The following KIF1A variants were observed in gnomAD, a reference collection of about 807,000 sequenced individuals.
KIF1A encodes the protein kinesin family member 1A.
In KIF1A, 46 loss-of-function variants were observed where a neutral mutation model predicts 227.3. The observed-to-expected ratio is 0.20, with a 90% CI of 0.16 to 0.26. The LOEUF is 0.26. Among genes scored for constraint, KIF1A ranks in the 10% least tolerant of loss-of-function variants. KIF1A has a pLI of 1.00. For synonymous variants in KIF1A, 1,022 were observed against 1,012.8 expected (o/e 1.01, Z -0.17); for missense variants, 1,683 against 2,485.9 (o/e 0.68, Z 6.87).
Position 240,723,547 on chromosome 2 carries a change from G to T in KIF1A, c.4330C>A (p.Arg1444=). 1.3e-6 allele frequency: 2 copies of T among 1,537,312 alleles called. No individual in the cohort carries two copies. The highest frequency in any genetic ancestry group is 1.9e-5 in the Admixed American group (1 of 51,326). ...GATGTGTCCAGGACTCGTCGGCGCC[G>T]GCGCTGCATCCCTGCATGGGGCACG... The part of the protein sequence containing the change: ...ADAGSPGMQR[R]RRRVLDTSVA... Residue 1444 remains arginine, a synonymous_variant, in exon 42 of 49, where the codon CGG becomes AGG. Transcript: ENST00000498729.
intron 1 of KIF1A, 58 bp from the exon 2 acceptor site, chr2:240,797,870 T>C: frequency 1.5e-6 from 1 of 649,736 alleles, no homozygotes; most frequent in South Asian, 1.9e-5. Flanking sequence ...GGACAGGCAC[T>C]CCGGCTGCAG....
rs546683571 is a variant in KIF1A at position 240,782,485 on chromosome 2, A to G, written c.882+105T>C. On this transcript the variant is annotated intron_variant, in intron 10 of 48. Transcript: ENST00000498729. Reference sequence around the variant, plus strand: ...TCCACCCCCACGTCCCCCATCTCCCAGCGCACTCACTGCCCGCCCCGCCCC... The same window carrying G: ...TCCACCCCCACGTCCCCCATCTCCCGGCGCACTCACTGCCCGCCCCGCCCC... 333 of 1,235,912 alleles carry G rather than the reference A, an allele frequency of 2.7e-4. No homozygotes were observed. The African/African-American group carries it at 4.6e-3, about 17-fold the overall frequency. The allele number at this position is 1,235,912 out of a possible 1,614,324, so 76.6% of individuals were successfully genotyped here.
rs761293619 is a variant in KIF1A, at chr2:240,743,905, G to A, written c.3584+37C>T. 10 of 1,351,644 alleles carry A rather than the reference G, an allele frequency of 7.4e-6. No homozygotes were observed. The East Asian group carries it at 1.4e-4, about 19-fold the overall frequency. The allele number at this position is 1,351,644 out of a possible 1,614,324, so 83.7% of individuals were successfully genotyped here. On this transcript the variant is annotated intron_variant, in intron 33 of 48. Coordinates refer to ENST00000498729, the MANE Select transcript of KIF1A (RefSeq NM_001244008.2). ...AAAAGATCTGGGCAGGGGCTTTGAG[G>A]ACAGCAGCCCCGAACCCCCCGACCC...
At chr2:240,727,235 G>A (rs2046124751) in intron 38 of KIF1A, among the ~76,000 whole-genome samples, 3 of 152,194 alleles carry the variant, frequency 2.0e-5, no homozygotes, top group Non-Finnish European at 4.4e-5. Flanking sequence ...GAGGCGGCAG[G>A]GAATGAGAAC....
At chr2:240,780,888 A>ACACACACACACACACAGCTC (rs2053682955) in intron 10 of KIF1A, among the ~76,000 whole-genome samples, 1 of 117,190 alleles carries the variant, frequency 8.5e-6, no homozygotes, top group African/African-American at 4.4e-5. Context: ...ACAGCTCCAC[A>ACACACACACACACACAGCTC]CACACACACA....
chr2:240,805,785 T>C (rs1171205700), intron 1 of KIF1A, among the ~76,000 whole-genome samples: 2 of 152,156 alleles, frequency 1.3e-5, no homozygotes, highest in African/African-American at 4.8e-5. Flanking sequence ...ATCATGTAAT[T>C]TGAACACAAT....
chr2:240,717,256 G>C lies in KIF1A; in HGVS notation c.*108C>G. On this transcript the variant is annotated 3_prime_UTR_variant, in exon 49 of 49. Transcript: ENST00000498729. ...TGGGCGTCCCCTGGGGGGTCGACCC[G>C]GTCGTGGGCTGTCTGGCAGGAGAGG... 1.8e-6 allele frequency: 2 copies of C among 1,118,650 alleles called. No homozygotes were observed. The highest frequency in any genetic ancestry group is 2.6e-6 in the Non-Finnish European group (2 of 757,194). The allele number at this position is 1,118,650 out of a possible 1,614,324, so 69.3% of individuals were successfully genotyped here. A position where few individuals can be genotyped will look rare whatever the true frequency, so the allele number is the denominator to read the frequency against.
chr2:240,741,343 G>T lies in KIF1A; in HGVS notation c.3675C>A (p.Pro1225=). 1 of 1,590,630 alleles carries T rather than the reference G, an allele frequency of 6.3e-7. No individual in the cohort carries two copies. Among genetic ancestry groups the T allele is most frequent in the South Asian group, 1.1e-5 (1 of 88,142 alleles). Residue 1225 remains proline (P), a synonymous_variant, in exon 35 of 49, where the codon CCC becomes CCA. Transcript: ENST00000498729. ...ACTTGCAGTGGCAGGGTCCCGGACAGGGCCGCGTCAGTGTGCTGAGCTTGG... is the reference window on the plus strand; with the variant it reads ...ACTTGCAGTGGCAGGGTCCCGGACATGGCCGCGTCAGTGTGCTGAGCTTGG... The part of the protein sequence containing the change: ...PATKLSTLTR[P]CPGPCHCKYD...
At chr2:240,812,225 A>G (rs1046173045) in intron 1 of KIF1A, among the ~76,000 whole-genome samples, 13 of 152,194 alleles carry the variant, frequency 8.5e-5, no homozygotes, top group African/African-American at 3.1e-4. Flanking sequence ...GGGTGGGGGC[A>G]TCAGCAGAAA....
intron 27 of KIF1A, among the ~76,000 whole-genome samples, chr2:240,751,688 C>T (rs1242188564): frequency 1.3e-5 from 2 of 152,124 alleles, no homozygotes; most frequent in Non-Finnish European, 2.9e-5. Context: ...TCAGACACAT[C>T]CCCCCATGCC....
At chr2:240,784,650 G>A (rs554182290) in intron 7 of KIF1A, among the ~76,000 whole-genome samples, 16 of 152,292 alleles carry the variant, frequency 1.1e-4, no homozygotes, top group African/African-American at 3.9e-4. Context: ...GGACAGCTGG[G>A]GCATGAGGGC....
rs1229202517 is a variant in KIF1A at position 240,722,612 on chromosome 2, C to T, written c.4509G>A (p.Glu1503=). 4.5e-6 allele frequency: 7 copies of T among 1,563,328 alleles called. No homozygotes were observed. Among genetic ancestry groups the T allele is most frequent in the Non-Finnish European group, 6.1e-6 (7 of 1,153,384 alleles). Residue 1503 remains glutamate (E), a synonymous_variant, in exon 43 of 49, where the codon GAG becomes GAA. Coordinates refer to ENST00000498729, the MANE Select transcript of KIF1A (RefSeq NM_001244008.2). The stretch of plus-strand genomic sequence containing the variant: ...CCTCCGGGACAGGCCGCTGGGCGGT[C>T]TCCAGCTTCTCCCGCAGGAGCAGGT... ...RHYLLLREKL[E]TAQRPVPEAL...
chr2:240,745,682 G>A (rs2048511448), intron 31 of KIF1A, 56 bp downstream of exon 31: 4 of 1,577,656 alleles, frequency 2.5e-6, no homozygotes, highest in South Asian at 2.3e-5. Context: ...AGGCACGGGA[G>A]CCTTGGGCAC....
chr2:240,731,778 C>T (rs1037061272), intron 38 of KIF1A, among the ~76,000 whole-genome samples: 6 of 152,156 alleles, frequency 3.9e-5, no homozygotes, highest in African/African-American at 1.4e-4. Flanking sequence ...TGTCGCTGGA[C>T]TCTGGCTCCA....
chr2:240,734,951 C>G (rs1307577080), intron 38 of KIF1A, among the ~76,000 whole-genome samples: 2 of 152,142 alleles, frequency 1.3e-5, no homozygotes, highest in Admixed American at 6.5e-5. Context: ...AGCCAGAAGC[C>G]GGGGATCCTG....
At chr2:240,782,399 C>CGTCCCCGCA (rs1268313194) in intron 10 of KIF1A, among the ~76,000 whole-genome samples, 191 bp downstream of exon 10, 1 of 152,198 alleles carries the variant, frequency 6.6e-6, no homozygotes, top group African/African-American at 2.4e-5. Flanking sequence ...GGACGCCCTC[C>CGTCCCCGCA]GTCCCCGCAG....
chr2:240,730,856 A>G (rs2046520081), intron 38 of KIF1A, among the ~76,000 whole-genome samples: 1 of 152,196 alleles, frequency 6.6e-6, no homozygotes, highest in Non-Finnish European at 1.5e-5. Flanking sequence ...CACAGGGCCC[A>G]GCCAACTGGA....
chr2:240,770,500 GA>G (rs1170218146), intron 15 of KIF1A, among the ~76,000 whole-genome samples: 2 of 152,160 alleles, frequency 1.3e-5, no homozygotes, highest in Non-Finnish European at 2.9e-5. Context: ...CAGTGGAGGG[GA>G]TGCTGCGGGG....
At chr2:240,762,991 GCAGGGA>G in intron 22 of KIF1A, 22 bp downstream of exon 22, 2 of 1,387,236 alleles carry the variant, frequency 1.4e-6, no homozygotes, top group Non-Finnish European at 1.9e-6. Flanking sequence ...TGGGGGCTGG[GCAGGGA>G]GGGCGGGGCC....
Sources: gnomAD v4.1 joint callset for allele counts (sites outside exome capture counted in the v4.1 genomes callset) on GRCh38, gnomAD v4.1.1 for gene constraint, MANE v1.5 for transcripts, NCBI Gene and HGNC (gene_info 2026-07-23, HGNC 2026-07-21) for gene names.